GNAL: variants seen among roughly 807,000 people sequenced by gnomAD.
GNAL encodes the protein guanine nucleotide-binding protein G(olf) subunit alpha.
Under a neutral mutation model 55.1 loss-of-function variants are expected in GNAL, and 18 were observed. The ratio of observed to expected loss-of-function variants is 0.33; its 90% CI spans 0.23 to 0.48. The LOEUF (loss-of-function observed/expected upper bound fraction) is 0.48. Ranked by LOEUF, GNAL falls within the 20% of genes least tolerant of loss-of-function variation. The pLI is 0.99. For missense variants in GNAL, 412 were observed against 614.1 expected, an observed-to-expected ratio of 0.67 and a Z score of 3.48; for synonymous variants, 253 against 237.0, an observed-to-expected ratio of 1.07 and a Z score of -0.62.
At chr18:11,860,475 A>G (rs993345182) in intron 5 of GNAL, among the ~76,000 whole-genome samples, 2 of 152,196 alleles carry the variant, frequency 1.3e-5, no homozygotes, top group South Asian at 2.1e-4. Context: ...CCTCTTTCCC[A>G]TTAGGTTCTG....
chr18:11,828,029 C>T (rs2035292685), intron 5 of GNAL, among the ~76,000 whole-genome samples: 1 of 151,886 alleles, frequency 6.6e-6, no homozygotes, highest in Admixed American at 6.6e-5. Context: ...TTGGCCCTGC[C>T]CTTGAGTTTA....
Position 11,751,275 on chromosome 18 carries a change from C to T in GNAL, c.377-1578C>T, listed in dbSNP as rs998120415. On this transcript the variant is annotated intron_variant, in intron 1 of 11. Coordinates refer to ENST00000334049, the MANE Select transcript of GNAL (RefSeq NM_182978.4). This position sits in a 1 kb window ranked among gnomAD's most constrained non-coding sequence, Gnocchi z 4.5. Reference sequence around the variant, plus strand: ...AAACGCCAAGCTGCCGGCTCTGGCCCTATTGGAGGGGTCTCAGTAACGGAG... The same window carrying T: ...AAACGCCAAGCTGCCGGCTCTGGCCTTATTGGAGGGGTCTCAGTAACGGAG... Among the ~76,000 whole-genome samples the T allele has an allele frequency of 5.9e-5, 9 of 152,192 alleles. No homozygotes were observed. The highest frequency in any genetic ancestry group is 1.9e-4 in the African/African-American group (8 of 41,448).
Position 11,802,275 on chromosome 18 carries a change from C to T in GNAL, c.625-22643C>T, listed in dbSNP as rs193222781. Among the ~76,000 whole-genome samples the T allele has an allele frequency of 3.6e-3, 544 of 152,250 alleles. 2 individuals carry two copies. The highest frequency in any genetic ancestry group is 6.4e-3 in the Admixed American group (98 of 15,294). On this transcript the variant is annotated intron_variant, in intron 4 of 11. Transcript: ENST00000334049. ...GTAAGAACTGAAACCATTCTGTTTA[C>T]GGAGTTCCTCAAGTCATGGACAGTC...
Position 11,751,658 on chromosome 18 carries a change from C to T in GNAL, c.377-1195C>T. 1 of 985,430 alleles carries T rather than the reference C, an allele frequency of 1.0e-6. No homozygotes were observed. The highest frequency in any genetic ancestry group is 4.7e-5 in the South Asian group (1 of 21,294). The allele number at this position is 985,430 out of a possible 1,614,324, so 61.0% of individuals were successfully genotyped here. Reference sequence around the variant, plus strand: ...TCGGGGTGCAAGAGAGCCAGGCGGCCGCGGCGCAGCGGAGGGGCTGCGGGC... The same window carrying T: ...TCGGGGTGCAAGAGAGCCAGGCGGCTGCGGCGCAGCGGAGGGGCTGCGGGC... On this transcript the variant is annotated intron_variant, in intron 1 of 11. Transcript: ENST00000334049. The surrounding 1 kb of genome is among the most constrained non-coding windows in gnomAD (Gnocchi z 4.5).
At chr18:11,859,953 G>A (rs2036094309) in intron 5 of GNAL, among the ~76,000 whole-genome samples, 1 of 152,054 alleles carries the variant, frequency 6.6e-6, no homozygotes, top group South Asian at 2.1e-4. Context: ...TCACAATGTT[G>A]GCTAGGTTGG....
intron 5 of GNAL, chr18:11,857,834 C>A: frequency 1.9e-6 from 1 of 536,538 alleles, no homozygotes; most frequent in African/African-American, 2.0e-5. Context: ...CTCCAGTGAT[C>A]CTGCTGCCTC....
intron 5 of GNAL, among the ~76,000 whole-genome samples, chr18:11,832,867 A>C (rs1345032644): frequency 6.6e-6 from 1 of 152,000 alleles, no homozygotes; most frequent in African/African-American, 2.4e-5. Flanking sequence ...TCTCAAAATA[A>C]ATAAATAAAT....
intron 1 of GNAL, among the ~76,000 whole-genome samples, chr18:11,709,330 TAA>T (rs56700086): frequency 8.0e-5 from 11 of 138,350 alleles, no homozygotes; most frequent in East Asian, 2.1e-4. Flanking sequence ...TCTATTTTTG[TAA>T]AAAAAAAAAA....
intron 5 of GNAL, among the ~76,000 whole-genome samples, chr18:11,856,771 C>CA (rs1182947188): frequency 2.0e-5 from 3 of 151,756 alleles, no homozygotes; most frequent in African/African-American, 7.3e-5. Context: ...ACTAAAAATG[C>CA]AAAAAAATAA....
chr18:11,847,634 TTC>T (rs779599044), intron 5 of GNAL, among the ~76,000 whole-genome samples: 28 of 152,308 alleles, frequency 1.8e-4, no homozygotes, highest in Admixed American at 5.2e-4. Context: ...AATCAAAAAT[TTC>T]TTTTTTTTTC....
chr18:11,782,926 T>G (rs2033960145), intron 4 of GNAL, among the ~76,000 whole-genome samples: 1 of 152,202 alleles, frequency 6.6e-6, no homozygotes, highest in African/African-American at 2.4e-5. Context: ...GATTTGTATT[T>G]ATTATGATAG....
At position 11,872,340 on chromosome 18, in the gene GNAL, G is replaced by A. The variant is rs201072609; in HGVS notation, c.1104G>A (p.Gly368=). 2 of 1,573,742 alleles carry A rather than the reference G, an allele frequency of 1.3e-6. No individual in the cohort carries two copies. The highest frequency in any genetic ancestry group is 2.8e-5 in the African/African-American group (2 of 72,336). The change falls in exon 10 of 12, where the codon GGG becomes GGA. Residue 368 remains glycine, a synonymous_variant. Transcript: ENST00000334049. The stretch of plus-strand genomic sequence containing the variant: ...TGCTGGCAGAAAAAGTCTTGGCAGG[G>A]AAATCAAAAATTGAAGACTATTTCC... ...QDMLAEKVLA[G]KSKIEDYFPE... is the part of the protein sequence containing the mutation.
chr18:11,770,225 G>A (rs1346925819), intron 4 of GNAL, among the ~76,000 whole-genome samples: 1 of 151,568 alleles, frequency 6.6e-6, no homozygotes, highest in African/African-American at 2.4e-5. Flanking sequence ...ATTAATTTTT[G>A]AACTATTTGA....
In GNAL at chr18:11,788,912, A is replaced by ATATATATATATATAT. The variant is rs1485147640; in HGVS notation, c.624+34967_624+34968insTATATATATATATAT. ...ACTCCGTCTCGAAAAAAAAAAAAAAAAAATATATATATATATATATATATA... is the reference window on the plus strand; with the variant it reads ...ACTCCGTCTCGAAAAAAAAAAAAAAATATATATATATATATAAATATATATATATATATATATATA... On this transcript the variant is annotated intron_variant, in intron 4 of 11. Coordinates refer to ENST00000334049, the MANE Select transcript of GNAL (RefSeq NM_182978.4). Among the ~76,000 whole-genome samples the ATATATATATATATAT allele has an allele frequency of 5.8e-5, 4 of 68,742 alleles. No homozygotes were observed. The Admixed American group carries it at 7.0e-4, about 12-fold the overall frequency. 45.1% of individuals were successfully genotyped at this position (68,742 alleles called of 152,430 possible).
chr18:11,845,478 TAAG>T (rs1473769202), intron 5 of GNAL, among the ~76,000 whole-genome samples: 1 of 151,972 alleles, frequency 6.6e-6, no homozygotes, highest in Non-Finnish European at 1.5e-5. Flanking sequence ...TAACAAATAA[TAAG>T]AACACAGATT....
Position 11,689,813 on chromosome 18 carries a change from G to A in GNAL, c.250G>A (p.Glu84Lys). 2.0e-6 allele frequency: 3 copies of A among 1,537,556 alleles called. No homozygotes were observed. Among genetic ancestry groups the A allele is most frequent in the South Asian group, 2.4e-5 (2 of 83,060 alleles). Residue 84 changes from glutamate (E) to lysine (K), a missense_variant, in exon 1 of 12, where the codon GAG becomes AAG. By Grantham distance (56) the Glu-to-Lys change is moderately conservative. This residue lies in a region of GNAL where 228 missense variants were observed against 194.8 expected (regional missense o/e 1.17). Coordinates refer to ENST00000334049, the MANE Select transcript of GNAL (RefSeq NM_182978.4). ...KRQRTEQLSAEEREAAKEREA... is the reference protein window; with the variant it reads ...KRQRTEQLSAKEREAAKEREA... Reference sequence around the variant, plus strand: ...GCAGCGCACCGAGCAGCTGAGTGCCGAGGAGCGCGAGGCGGCCAAGGAGCG... The same window carrying A: ...GCAGCGCACCGAGCAGCTGAGTGCCAAGGAGCGCGAGGCGGCCAAGGAGCG...
At chr18:11,826,832 A>G (rs1042186867) in intron 5 of GNAL, among the ~76,000 whole-genome samples, 2 of 152,204 alleles carry the variant, frequency 1.3e-5, no homozygotes, top group Admixed American at 1.3e-4. Context: ...CTGTTGTCAG[A>G]GCCTGGAGCT....
At chr18:11,765,723 T>C (rs1015746644) in intron 4 of GNAL, among the ~76,000 whole-genome samples, 1 of 152,236 alleles carries the variant, frequency 6.6e-6, no homozygotes, top group Non-Finnish European at 1.5e-5. Flanking sequence ...TCCATGTTGC[T>C]GCAAATGACA....
At chr18:11,855,500 C>T (rs2035985820) in intron 5 of GNAL, among the ~76,000 whole-genome samples, 1 of 152,280 alleles carries the variant, frequency 6.6e-6, no homozygotes, top group Non-Finnish European at 1.5e-5. Flanking sequence ...AAAATACTTT[C>T]CTCTACTTTT....
Sources: allele counts gnomAD v4.1 joint callset (sites outside exome capture counted in the v4.1 genomes callset), GRCh38; gene constraint gnomAD v4.1.1; regional missense constraint gnomAD v4.1.1; non-coding constraint Gnocchi (gnomAD v3.1); transcripts MANE v1.5; gene names NCBI Gene and HGNC (gene_info 2026-07-23, HGNC 2026-07-21).